SLC9D1: variants seen among roughly 807,000 people sequenced by gnomAD.
SLC9D1 encodes solute carrier family 9 member D1.
the SLC9D1 span, chr13:113,500,237 A>T: frequency 2.5e-6 from 2 of 789,772 alleles, no homozygotes; most frequent in Non-Finnish European, 3.7e-6. Flanking sequence ...TGAACAAGGC[A>T]CAGCCTTCCT....
At chr13:113,514,250 A>C in the SLC9D1 span, 1 of 152,314 alleles carries the variant, frequency 6.6e-6, no homozygotes, top group Non-Finnish European at 1.5e-5. Context: ...TTAATAAGCC[A>C]CAGGCCAGAG....
At chr13:113,522,919 C>T in the SLC9D1 span, among the ~76,000 whole-genome samples, 2 of 152,164 alleles carry the variant, frequency 1.3e-5, no homozygotes, top group Non-Finnish European at 2.9e-5. Flanking sequence ...CATGAGCCAC[C>T]GTGCCTGGCC....
the SLC9D1 span, chr13:113,528,476 T>C: frequency 1.3e-5 from 2 of 152,282 alleles, no homozygotes; most frequent in Non-Finnish European, 2.9e-5. Context: ...GTAGAAGGAA[T>C]GAAGGGCTGT....
At chr13:113,516,399 T>C in the SLC9D1 span, among the ~76,000 whole-genome samples, 1 of 151,742 alleles carries the variant, frequency 6.6e-6, no homozygotes, top group South Asian at 2.1e-4. Flanking sequence ...ACCTCATCTC[T>C]ACTGAAAATA....
the SLC9D1 span, among the ~76,000 whole-genome samples, chr13:113,545,133 G>A: frequency 6.6e-6 from 1 of 152,212 alleles, no homozygotes; most frequent in East Asian, 1.9e-4. Flanking sequence ...GTGCGCCCCC[G>A]CCAGCCTCGC....
At chr13:113,494,746 T>C in the SLC9D1 span, among the ~76,000 whole-genome samples, 11 of 152,260 alleles carry the variant, frequency 7.2e-5, no homozygotes, top group African/African-American at 2.6e-4. Flanking sequence ...CAAATGATTT[T>C]AAGAAGCCTG....
the SLC9D1 span, chr13:113,549,414 T>C: frequency 5.1e-5 from 83 of 1,613,464 alleles, no homozygotes; most frequent in African/African-American, 8.0e-4. Context: ...CTCTGCACTT[T>C]GCTGTTGCAG....
At chr13:113,539,299 G>T in the SLC9D1 span, 5 of 1,563,060 alleles carry the variant, frequency 3.2e-6, no homozygotes, top group East Asian at 4.5e-5. The surrounding 1 kb of genome is among the most constrained non-coding windows in gnomAD (Gnocchi z 4.8). Context: ...GCCTTGGGAT[G>T]GGGGTGACCC....
the SLC9D1 span, chr13:113,501,747 T>A: frequency 6.2e-7 from 1 of 1,607,074 alleles, no homozygotes; most frequent in Middle Eastern, 1.7e-4. Flanking sequence ...TATTTTATTC[T>A]TCAGGACATT....
chr13:113,519,684 C>G, the SLC9D1 span, among the ~76,000 whole-genome samples: 15 of 151,212 alleles, frequency 9.9e-5, 1 homozygote, highest in African/African-American at 3.7e-4. Flanking sequence ...GACACCAAGT[C>G]TGTGTTGGTC....
the SLC9D1 span, among the ~76,000 whole-genome samples, chr13:113,533,845 G>A: frequency 3.9e-5 from 6 of 152,208 alleles, no homozygotes; most frequent in South Asian, 4.1e-4. Context: ...AACCAATGCA[G>A]CTTCCACCTT....
chr13:113,521,398 G>T, the SLC9D1 span, among the ~76,000 whole-genome samples: 1 of 149,402 alleles, frequency 6.7e-6, no homozygotes, highest in African/African-American at 2.5e-5. Context: ...AGCTATCATT[G>T]TATGGTTGTA....
the SLC9D1 span, among the ~76,000 whole-genome samples, chr13:113,509,282 G>A: frequency 2.3e-4 from 33 of 146,462 alleles, no homozygotes; most frequent in Admixed American, 1.4e-3. Flanking sequence ...TGGGCTTGGT[G>A]GGTGGGTCCC....
At chr13:113,517,502 A>T in the SLC9D1 span, among the ~76,000 whole-genome samples, 117,774 of 152,094 alleles carry the variant, frequency 0.77, 46,700 homozygotes, top group African/African-American at 0.94. Context: ...TGCTGGGATT[A>T]CATGCAGCCA....
the SLC9D1 span, among the ~76,000 whole-genome samples, chr13:113,541,686 C>T: frequency 2.1e-5 from 2 of 95,364 alleles, no homozygotes; most frequent in African/African-American, 4.4e-5. Context: ...GATACGCACA[C>T]GATCGCTGAT....
At chr13:113,539,996 T>C in the SLC9D1 span, among the ~76,000 whole-genome samples, 1 of 152,142 alleles carries the variant, frequency 6.6e-6, no homozygotes, top group African/African-American at 2.4e-5. This position sits in a 1 kb window ranked among gnomAD's most constrained non-coding sequence, Gnocchi z 4.8. Context: ...TGGTGTTAAT[T>C]CCCTGAGGAG....
chr13:113,513,398 G>A, the SLC9D1 span, among the ~76,000 whole-genome samples: 1 of 148,790 alleles, frequency 6.7e-6, no homozygotes, highest in Non-Finnish European at 1.5e-5. Flanking sequence ...GAGACAGAGG[G>A]GGCTAGAAGG....
the SLC9D1 span, among the ~76,000 whole-genome samples, chr13:113,493,610 G>A: frequency 6.6e-6 from 1 of 152,204 alleles, no homozygotes; most frequent in Non-Finnish European, 1.5e-5. Flanking sequence ...ATAAAATTGA[G>A]TGATTGGAAC....
At chr13:113,547,208 T>C in the SLC9D1 span, 14 of 960,320 alleles carry the variant, frequency 1.5e-5, no homozygotes, top group Non-Finnish European at 1.8e-5. Flanking sequence ...AATTCCTGTA[T>C]TGAAGCAAGT....
Sources: allele counts gnomAD v4.1 joint callset (sites outside exome capture counted in the v4.1 genomes callset), GRCh38; gene constraint gnomAD v4.1.1; non-coding constraint Gnocchi (gnomAD v3.1); transcripts MANE v1.5; gene names NCBI Gene and HGNC (gene_info 2026-07-23, HGNC 2026-07-21).